The following BCAT1 variants were observed in gnomAD, a reference collection of about 807,000 sequenced individuals.
BCAT1 encodes the protein branched-chain-amino-acid aminotransferase, cytosolic.
In BCAT1, 48 loss-of-function variants were observed where a neutral mutation model predicts 52.4. The observed-to-expected ratio is 0.92, with a 90% CI of 0.73 to 1.16. BCAT1 has a LOEUF of 1.16. BCAT1 is among the 50% of genes most tolerant of loss of function. The probability of loss-of-function intolerance (pLI) is 0.00; values close to 1 mark genes in which losing one functional copy is unlikely to be tolerated. For missense variants in BCAT1, 451 were observed against 457.1 expected (o/e 0.99, Z 0.12); for synonymous variants, 167 against 161.3 (o/e 1.04, Z -0.27).
chr12:24,827,021 T>C (rs758407984), intron 10 of BCAT1, among the ~76,000 whole-genome samples: 4 of 152,226 alleles, frequency 2.6e-5, no homozygotes, highest in Non-Finnish European at 5.9e-5. Context: ...ATTTATCAGT[T>C]CTACAGGTTT....
At chr12:24,866,000 C>A (rs968517035) in intron 5 of BCAT1, among the ~76,000 whole-genome samples, 1 of 152,330 alleles carries the variant, frequency 6.6e-6, no homozygotes, top group African/African-American at 2.4e-5. Flanking sequence ...TTCAGCCTGC[C>A]GCTGCACTGT....
chr12:24,941,393 TGTTCTC>T (rs1943846406), intron 1 of BCAT1, among the ~76,000 whole-genome samples: 3 of 152,250 alleles, frequency 2.0e-5, no homozygotes, highest in African/African-American at 7.2e-5. Flanking sequence ...AATACTTTAC[TGTTCTC>T]TGTGTTTTTA....
intron 1 of BCAT1, chr12:24,902,555 G>C (rs1219624699): frequency 2.0e-6 from 1 of 500,572 alleles, no homozygotes; most frequent in Admixed American, 4.9e-5. Context: ...AGAAGGCTGC[G>C]GTCAAAATAT....
At chr12:24,936,742 T>C (rs200909805) in intron 1 of BCAT1, among the ~76,000 whole-genome samples, 48 of 67,950 alleles carry the variant, frequency 7.1e-4, no homozygotes, top group Middle Eastern at 0.017. Flanking sequence ...CACACACACA[T>C]ACACACACAC....
At chr12:24,831,046 C>T (rs1940643864) in intron 9 of BCAT1, among the ~76,000 whole-genome samples, 1 of 152,174 alleles carries the variant, frequency 6.6e-6, no homozygotes, top group South Asian at 2.1e-4. Context: ...CACAAGTTCA[C>T]TTATACGTGG....
intron 1 of BCAT1, among the ~76,000 whole-genome samples, chr12:24,920,622 G>A (rs2139720678): frequency 1.3e-5 from 2 of 152,246 alleles, no homozygotes; most frequent in Admixed American, 1.3e-4. Flanking sequence ...CTCCCCAGCA[G>A]GAAGCAAGCA....
intron 1 of BCAT1, among the ~76,000 whole-genome samples, chr12:24,927,223 A>G (rs1943603413): frequency 6.6e-6 from 1 of 152,090 alleles, no homozygotes; most frequent in African/African-American, 2.4e-5. Context: ...TGGGAGAATC[A>G]CTTGAACCCA....
intron 4 of BCAT1, among the ~76,000 whole-genome samples, chr12:24,879,062 C>T (rs1007913291): frequency 2.0e-5 from 3 of 152,048 alleles, no homozygotes; most frequent in African/African-American, 7.2e-5. Context: ...AGATGATATA[C>T]TTAAATGTGA....
chr12:24,903,516 A>T (rs1943171016), intron 1 of BCAT1: 1 of 152,394 alleles, frequency 6.6e-6, no homozygotes, highest in Non-Finnish European at 1.5e-5. Context: ...ACTGACCGCT[A>T]TGTGCAAACT....
intron 4 of BCAT1, 120 bp from the exon 5 acceptor site, chr12:24,878,769 G>T: frequency 9.9e-7 from 1 of 1,011,662 alleles, no homozygotes; most frequent in East Asian, 2.7e-5. Flanking sequence ...AAAAAAATAA[G>T]AAATGTTTGA....
At position 24,896,484 on chromosome 12, in the gene BCAT1, T is replaced by C. The variant is rs1942962673; in HGVS notation, c.79-2009A>G. On this transcript the variant is annotated intron_variant, in intron 2 of 10. Transcript: ENST00000261192. The stretch of plus-strand genomic sequence containing the variant: ...TATCATCTAGCCATTTAAGAAAGTT[T>C]AGCAGGCCGGGCACAGTGGCACACC... 2.6e-5 allele frequency among the ~76,000 whole-genome samples: 4 copies of C among 152,246 alleles called. No homozygotes were observed. In the South Asian group the frequency reaches 8.3e-4, roughly 32 times the overall value.
At chr12:24,931,248 A>G (rs1401776208) in intron 1 of BCAT1, among the ~76,000 whole-genome samples, 1 of 152,096 alleles carries the variant, frequency 6.6e-6, no homozygotes, top group African/African-American at 2.4e-5. Context: ...AGAAATATGA[A>G]GAGTAAAATT....
intron 6 of BCAT1, among the ~76,000 whole-genome samples, chr12:24,844,666 G>T (rs1941281227): frequency 6.8e-6 from 1 of 146,640 alleles, no homozygotes. Flanking sequence ...TGGGAGGCGA[G>T]ACGGCCGGAT....
At position 24,849,856 on chromosome 12, in the gene BCAT1, C is replaced by G; in HGVS notation, c.604G>C (p.Val202Leu). Residue 202 changes from valine (V) to leucine (L), a missense_variant, in exon 6 of 11, where the codon GTG (valine) becomes CTG (leucine). Coordinates refer to ENST00000261192, the MANE Select transcript of BCAT1 (RefSeq NM_005504.7). ...PYFSSGTFNP[V>L]SLWANPKYVR... is the part of the protein sequence containing the mutation. ...TACTTGGGATTGGCCCACAGGGACA[C>G]TGGATTAAAGGTTCCACTTGAAAAA... 1 of 1,613,812 alleles carries G rather than the reference C, an allele frequency of 6.2e-7. No homozygotes were observed. Among genetic ancestry groups the G allele is most frequent in the Non-Finnish European group, 8.5e-7 (1 of 1,179,782 alleles).
Position 24,927,256 on chromosome 12 carries a change from C to T in BCAT1, c.6+21671G>A, listed in dbSNP as rs151157716. Among the ~76,000 whole-genome samples the T allele has an allele frequency of 1.6e-4, 25 of 151,524 alleles. No homozygotes were observed. The East Asian group carries it at 2.7e-3, about 16-fold the overall frequency. ...CCAGGAGATGGAGGCAGCAATGAGA[C>T]GAGATTGTGCCACTGTACTCCAGCC... On this transcript the variant is annotated intron_variant, in intron 1 of 10. Transcript: ENST00000261192.
chr12:24,845,460 C>G (rs1489508100), intron 6 of BCAT1, among the ~76,000 whole-genome samples: 1 of 152,022 alleles, frequency 6.6e-6, no homozygotes, highest in Non-Finnish European at 1.5e-5. Context: ...AAATAGATAA[C>G]TGAGTTAAAT....
intron 9 of BCAT1, among the ~76,000 whole-genome samples, chr12:24,831,258 C>T (rs146150398): frequency 2.6e-5 from 4 of 152,300 alleles, no homozygotes; most frequent in Middle Eastern, 3.4e-3. Flanking sequence ...ATATAACATA[C>T]ATAACATACA....
At chr12:24,916,143 AGT>A (rs1168579573) in intron 1 of BCAT1, among the ~76,000 whole-genome samples, 1 of 152,220 alleles carries the variant, frequency 6.6e-6, no homozygotes, top group Admixed American at 6.5e-5. Context: ...TGGGTGACAG[AGT>A]GAGATTCCGT....
chr12:24,836,537 A>G lies in BCAT1; in HGVS notation c.877T>C (p.Cys293Arg). The G allele has an allele frequency of 6.2e-7, 1 of 1,613,178 alleles. No homozygotes were observed. Among genetic ancestry groups the G allele is most frequent in the Non-Finnish European group, 8.5e-7 (1 of 1,179,622 alleles). ...CACTGATGTGCCAGGTCCAGAATGC[A>G]CCGCCTTGTCACTCCTGGAAGAATG... Reference protein sequence around the residue: ...GIILPGVTRRCILDLAHQWGE... With the variant: ...GIILPGVTRRRILDLAHQWGE... Residue 293 changes from cysteine (C) to arginine (R), a missense_variant, in exon 8 of 11, where the codon TGC becomes CGC. By Grantham distance (180) the Cys-to-Arg change is radical (BLOSUM62 -3). Transcript: ENST00000261192.
Sources: gnomAD v4.1 joint callset for allele counts (sites outside exome capture counted in the v4.1 genomes callset) on GRCh38, gnomAD v4.1.1 for gene constraint, MANE v1.5 for transcripts, NCBI Gene and HGNC (gene_info 2026-07-23, HGNC 2026-07-21) for gene names.